PLXNA4: variants seen among roughly 807,000 people sequenced by gnomAD.
The protein encoded by PLXNA4 is plexin A4.
A neutral mutation model predicts 191.8 loss-of-function variants in PLXNA4; 44 were observed. The ratio of observed to expected loss-of-function variants is 0.23; its 90% CI spans 0.18 to 0.29. The LOEUF (loss-of-function observed/expected upper bound fraction) is 0.29. PLXNA4 is among the 10% of genes least tolerant of loss of function. The probability of loss-of-function intolerance (pLI) is 1.00; values close to 1 mark genes in which losing one functional copy is unlikely to be tolerated. For missense variants in PLXNA4, 1,800 were observed against 2,488.8 expected (o/e 0.72, Z 5.89); for synonymous variants, 1,082 against 1,009.5 (o/e 1.07, Z -1.36).
intron 2 of PLXNA4, among the ~76,000 whole-genome samples, chr7:132,504,183 G>T (rs1798366263): frequency 6.6e-6 from 1 of 152,264 alleles, no homozygotes; most frequent in African/African-American, 2.4e-5. Context: ...CTCTCTGGGG[G>T]CTGCAGGTCA....
At chr7:132,380,235 C>T (rs1273049731) in intron 3 of PLXNA4, among the ~76,000 whole-genome samples, 1 of 152,188 alleles carries the variant, frequency 6.6e-6, no homozygotes, top group Non-Finnish European at 1.5e-5. Context: ...GCTCAACTCC[C>T]TGTAGAGAGC....
At chr7:132,257,174 C>T (rs962707701) in intron 4 of PLXNA4, among the ~76,000 whole-genome samples, 25 of 152,250 alleles carry the variant, frequency 1.6e-4, no homozygotes, top group Admixed American at 1.6e-3. Flanking sequence ...AGTCCCCTCT[C>T]TTGCAGGGGC....
chr7:132,507,466 A>G (rs752539979), intron 2 of PLXNA4, 40 bp downstream of exon 2: 1 of 1,559,586 alleles, frequency 6.4e-7, no homozygotes, highest in African/African-American at 1.4e-5. Context: ...CTCATCCTAC[A>G]CTCCCAACCA....
At position 132,493,483 on chromosome 7, in the gene PLXNA4, A is replaced by G. The variant is rs940969710; in HGVS notation, c.1189-4009T>C. On this transcript the variant is annotated intron_variant, in intron 2 of 31. Transcript: ENST00000321063. ...GACCTAGAAGCCCTGAGAGGGCCAC[A>G]CTCTCTGGGTCCCTATCCAGAGGAC... 4.6e-5 allele frequency among the ~76,000 whole-genome samples: 7 copies of G among 152,142 alleles called. No individual in the cohort carries two copies. In the East Asian group the frequency reaches 1.4e-3, roughly 29 times the overall value.
chr7:132,449,670 T>A (rs1796044525), intron 3 of PLXNA4, among the ~76,000 whole-genome samples: 1 of 152,208 alleles, frequency 6.6e-6, no homozygotes, highest in Non-Finnish European at 1.5e-5. Context: ...TGGTCATGCT[T>A]CTCTCTTTCC....
At chr7:132,509,606 G>A (rs1381623007) in intron 1 of PLXNA4, among the ~76,000 whole-genome samples, 2 of 152,124 alleles carry the variant, frequency 1.3e-5, no homozygotes, top group Non-Finnish European at 2.9e-5. Flanking sequence ...GCACAGGTTC[G>A]CAATCTTAAC....
chr7:132,395,133 A>T (rs995948663), intron 3 of PLXNA4, among the ~76,000 whole-genome samples: 1 of 152,150 alleles, frequency 6.6e-6, no homozygotes, highest in Non-Finnish European at 1.5e-5. Context: ...CACTTTTCAC[A>T]CCTGGAAATA....
exon 1 of PLXNA4, chr7:132,648,645 C>T (rs1803933014): frequency 6.6e-6 from 1 of 152,164 alleles, no homozygotes; most frequent in Admixed American, 6.5e-5. Flanking sequence ...TACTAGTGGG[C>T]AAGATCTCCA....
At chr7:132,552,758 T>A (rs1290442865) in intron 1 of PLXNA4, among the ~76,000 whole-genome samples, 1 of 152,186 alleles carries the variant, frequency 6.6e-6, no homozygotes, top group Non-Finnish European at 1.5e-5. Context: ...GACTTTCATT[T>A]CCCTAAAGAT....
intron 9 of PLXNA4, among the ~76,000 whole-genome samples, chr7:132,213,837 G>A (rs116312586): frequency 6.6e-5 from 10 of 152,112 alleles, no homozygotes; most frequent in Admixed American, 3.9e-4. Context: ...AGATCTGGTC[G>A]CACTGGGAGT....
intron 3 of PLXNA4, among the ~76,000 whole-genome samples, chr7:132,390,315 G>T (rs927248511): frequency 6.6e-6 from 1 of 151,990 alleles, no homozygotes; most frequent in Non-Finnish European, 1.5e-5. Flanking sequence ...ACTAACACAG[G>T]AACAGAAAAC....
intron 2 of PLXNA4, among the ~76,000 whole-genome samples, chr7:132,506,318 C>A (rs1264738172): frequency 6.6e-6 from 1 of 152,154 alleles, no homozygotes; most frequent in African/African-American, 2.4e-5. Flanking sequence ...AGGAAATTTA[C>A]ACTTTTTTAA....
chr7:132,550,760 C>T (rs1268812296), intron 1 of PLXNA4, among the ~76,000 whole-genome samples: 2 of 150,710 alleles, frequency 1.3e-5, no homozygotes, highest in Admixed American at 1.3e-4. Flanking sequence ...CCTCCTACCC[C>T]ACTGGGCTGC....
At position 132,401,251 on chromosome 7, in the gene PLXNA4, G is replaced by T. The variant is rs190991526; in HGVS notation, c.1371+88041C>A. On this transcript the variant is annotated intron_variant, in intron 3 of 31. Transcript: ENST00000321063. The stretch of plus-strand genomic sequence containing the variant: ...CACGTGGAGGGGAGAACTGAGTGAA[G>T]GGTACAGGAACCCCTCTGTACAATT... 2.0e-5 allele frequency among the ~76,000 whole-genome samples: 3 copies of T among 152,308 alleles called. No individual in the cohort carries two copies. The East Asian group carries it at 5.8e-4, about 29-fold the overall frequency.
intron 2 of PLXNA4, among the ~76,000 whole-genome samples, chr7:132,585,265 C>T (rs1002498994): frequency 6.6e-6 from 1 of 152,270 alleles, no homozygotes; most frequent in Admixed American, 6.5e-5. Context: ...TCAGTAAACT[C>T]ATGGAAACTA....
chr7:132,229,179 T>C (rs1317007504), intron 5 of PLXNA4, among the ~76,000 whole-genome samples: 1 of 152,102 alleles, frequency 6.6e-6, no homozygotes, highest in Non-Finnish European at 1.5e-5. Context: ...GAAGGAAGGA[T>C]CAAAGGAGCT....
intron 1 of PLXNA4, among the ~76,000 whole-genome samples, chr7:132,518,520 G>T (rs1397862385): frequency 6.6e-6 from 1 of 152,116 alleles, no homozygotes; most frequent in Admixed American, 6.5e-5. Flanking sequence ...ATGACTGGTG[G>T]GAGGGCTGGA....
At position 132,365,364 on chromosome 7, in the gene PLXNA4, T is replaced by TGTGTGCGCGC. The variant is rs1554424583; in HGVS notation, c.1372-67143_1372-67142insGCGCGCACAC. On this transcript the variant is annotated intron_variant, in intron 3 of 31. Coordinates refer to ENST00000321063, the MANE Select transcript of PLXNA4 (RefSeq NM_020911.2). ...GTGTGTGTGTGTGTGTGTGTGTGCG[T>TGTGTGCGCGC]GCGCGCGCATGCATGGGGCAAGAGT... Among the ~76,000 whole-genome samples the TGTGTGCGCGC allele has an allele frequency of 4.1e-5, 6 of 147,320 alleles. No individual in the cohort carries two copies. The East Asian group carries it at 8.2e-4, about 20-fold the overall frequency.
chr7:132,576,148 G>A lies in PLXNA4; in HGVS notation c.-87+274C>T, dbSNP rs1322340037. On this transcript the variant is annotated intron_variant, in intron 1 of 31. Coordinates refer to ENST00000321063, the MANE Select transcript of PLXNA4 (RefSeq NM_020911.2). The surrounding 1 kb of genome is among the most constrained non-coding windows in gnomAD (Gnocchi z 5.8). ...ATCCCACCCCGAAAGTCCCGGGAAAGAGAAGTCTGAGTCCAGGAGCGTGAG... is the reference window on the plus strand; with the variant it reads ...ATCCCACCCCGAAAGTCCCGGGAAAAAGAAGTCTGAGTCCAGGAGCGTGAG... Among the ~76,000 whole-genome samples the A allele has an allele frequency of 1.3e-5, 2 of 152,240 alleles. No individual in the cohort carries two copies. The highest frequency in any genetic ancestry group is 3.9e-4 in the East Asian group (2 of 5,186).
Sources: gnomAD v4.1 joint callset for allele counts (sites outside exome capture counted in the v4.1 genomes callset) on GRCh38, gnomAD v4.1.1 for gene constraint, Gnocchi (gnomAD v3.1) non-coding constraint, MANE v1.5 for transcripts, NCBI Gene and HGNC (gene_info 2026-07-23, HGNC 2026-07-21) for gene names.